PTPRD: variants seen among roughly 807,000 people sequenced by gnomAD.
PTPRD encodes protein tyrosine phosphatase receptor type D.
A neutral mutation model predicts 214.5 loss-of-function variants in PTPRD; 34 were observed. That is an observed-to-expected ratio of 0.16 (90% CI 0.12 to 0.21). The LOEUF (loss-of-function observed/expected upper bound fraction) is 0.21, where lower values mean the gene tolerates loss of function less well. PTPRD is among the 10% of genes least tolerant of loss of function. PTPRD has a pLI of 1.00. For synonymous variants in PTPRD, 1,128 were observed against 845.7 expected, an observed-to-expected ratio of 1.33 and a Z score of -5.79; for missense variants, 2,545 against 2,398.7, an observed-to-expected ratio of 1.06 and a Z score of -1.27.
rs114402752 is a variant in PTPRD, at chr9:8,677,685, A to G, written c.65-40841T>C. ...TAAAATAAAAGTTTTAAAAAATGTG[A>G]TAGCCAGATTATTATCAGAAACCAG... On this transcript the variant is annotated intron_variant, in intron 12 of 45. Coordinates refer to ENST00000381196, the MANE Select transcript of PTPRD (RefSeq NM_002839.4). Among the ~76,000 whole-genome samples the G allele has an allele frequency of 6.8e-3, 1,033 of 152,318 alleles. 13 individuals are homozygous for G. Among genetic ancestry groups the G allele is most frequent in the African/African-American group, 0.024 (984 of 41,554 alleles).
chr9:9,966,520 G>C (rs1428992256), intron 4 of PTPRD, among the ~76,000 whole-genome samples: 1 of 151,656 alleles, frequency 6.6e-6, no homozygotes, highest in Non-Finnish European at 1.5e-5. Flanking sequence ...ATAAAAGGCT[G>C]AGCTATTAAA....
chr9:8,436,542 G>C (rs745571235), intron 35 of PTPRD, 50 bp downstream of exon 35: 1 of 1,402,566 alleles, frequency 7.1e-7, no homozygotes, highest in Non-Finnish European at 1.0e-6. Flanking sequence ...GTCAAAAAAA[G>C]AGAAGAGTAA....
chr9:10,389,509 A>G (rs2098010519), intron 2 of PTPRD, among the ~76,000 whole-genome samples: 1 of 151,896 alleles, frequency 6.6e-6, no homozygotes, highest in Admixed American at 6.6e-5. Flanking sequence ...TTTGTTTCAC[A>G]TAGCCAAGAA....
intron 9 of PTPRD, among the ~76,000 whole-genome samples, chr9:9,213,524 G>GTTTC (rs2099950173): frequency 1.3e-5 from 2 of 151,802 alleles, no homozygotes; most frequent in South Asian, 2.1e-4. Context: ...TTTTTTGTTT[G>GTTTC]TTTGTTTGTT....
intron 5 of PTPRD, among the ~76,000 whole-genome samples, chr9:9,896,501 G>A (rs546909034): frequency 1.3e-5 from 2 of 151,976 alleles, no homozygotes; most frequent in Non-Finnish European, 2.9e-5. Flanking sequence ...AAATAGTCTA[G>A]TGCATTTGGA....
intron 4 of PTPRD, among the ~76,000 whole-genome samples, chr9:9,980,270 A>C (rs907169701): frequency 4.6e-5 from 7 of 152,030 alleles, no homozygotes; most frequent in African/African-American, 1.4e-4. Context: ...AATCATATAT[A>C]TACTTGTAAT....
intron 12 of PTPRD, among the ~76,000 whole-genome samples, chr9:8,681,078 C>A (rs988430915): frequency 6.6e-6 from 1 of 152,132 alleles, no homozygotes; most frequent in Admixed American, 6.5e-5. Flanking sequence ...TTGTTAGTGC[C>A]CTCAAGTGTC....
chr9:9,889,430 T>C (rs963635313), intron 5 of PTPRD, among the ~76,000 whole-genome samples: 3 of 152,084 alleles, frequency 2.0e-5, no homozygotes, highest in African/African-American at 7.2e-5. Context: ...TTTAAATAAA[T>C]ATAGAAGTCC....
intron 37 of PTPRD, among the ~76,000 whole-genome samples, chr9:8,383,512 A>G (rs1480722150): frequency 6.6e-6 from 1 of 152,164 alleles, no homozygotes; most frequent in Non-Finnish European, 1.5e-5. Flanking sequence ...TCAAGTCACG[A>G]TGCACAAAAC....
chr9:10,487,076 T>C (rs2132472294), intron 2 of PTPRD, among the ~76,000 whole-genome samples: 1 of 152,318 alleles, frequency 6.6e-6, no homozygotes, highest in East Asian at 1.9e-4. Context: ...TTTCTCTTTT[T>C]ATAGTTTGTC....
chr9:10,020,381 G>C (rs1263058528), intron 4 of PTPRD, among the ~76,000 whole-genome samples: 2 of 146,818 alleles, frequency 1.4e-5, no homozygotes, highest in African/African-American at 2.5e-5. Flanking sequence ...GGCTCACTGC[G>C]ACCTCCACTT....
At chr9:9,616,647 G>A (rs927823686) in intron 7 of PTPRD, among the ~76,000 whole-genome samples, 4 of 151,956 alleles carry the variant, frequency 2.6e-5, no homozygotes, top group African/African-American at 9.7e-5. Context: ...GCTAAAACAC[G>A]GCTATATGAA....
At position 9,987,942 on chromosome 9, in the gene PTPRD, T is replaced by C. The variant is rs373465867; in HGVS notation, c.-472+45776A>G. Among the ~76,000 whole-genome samples the C allele has an allele frequency of 9.2e-5, 14 of 152,290 alleles. No individual in the cohort carries two copies. The East Asian group carries it at 1.4e-3, about 15-fold the overall frequency. ...AAAATACTATCAGGCAGGTTTAGGG[T>C]AATATTAAGCTGACATATTTGCCGT... is the stretch of plus-strand genomic sequence containing the variant. On this transcript the variant is annotated intron_variant, in intron 4 of 45. Transcript: ENST00000381196.
chr9:10,242,750 C>A (rs144796636), intron 3 of PTPRD, among the ~76,000 whole-genome samples: 32 of 149,386 alleles, frequency 2.1e-4, no homozygotes, highest in East Asian at 1.8e-3. Context: ...TTTTATTTTT[C>A]TTTCTAGTGG....
intron 11 of PTPRD, among the ~76,000 whole-genome samples, chr9:8,854,792 A>C (rs943282143): frequency 2.0e-5 from 3 of 152,182 alleles, no homozygotes; most frequent in Non-Finnish European, 4.4e-5. Context: ...TCACATCATC[A>C]ATCTATGCCT....
At chr9:9,811,761 C>T (rs2047224098) in intron 5 of PTPRD, among the ~76,000 whole-genome samples, 1 of 152,120 alleles carries the variant, frequency 6.6e-6, no homozygotes, top group Non-Finnish European at 1.5e-5. Flanking sequence ...GATGAAGATG[C>T]TGTGGATATT....
At chr9:10,454,256 T>C (rs949766801) in intron 2 of PTPRD, among the ~76,000 whole-genome samples, 5 of 151,604 alleles carry the variant, frequency 3.3e-5, no homozygotes, top group Admixed American at 1.3e-4. Flanking sequence ...TCCTGAACAT[T>C]TGCCATCTGT....
chr9:9,404,631 T>C (rs1233480539), intron 8 of PTPRD, among the ~76,000 whole-genome samples: 1 of 152,064 alleles, frequency 6.6e-6, no homozygotes, highest in African/African-American at 2.4e-5. Context: ...GTGGGACATA[T>C]ATTAGATACA....
intron 8 of PTPRD, among the ~76,000 whole-genome samples, chr9:9,462,114 A>G (rs1044760065): frequency 3.9e-5 from 6 of 152,136 alleles, no homozygotes; most frequent in African/African-American, 1.4e-4. Flanking sequence ...TTGATCTGCA[A>G]ATAGTCGACT....
Sources: gnomAD v4.1 joint callset for allele counts (sites outside exome capture counted in the v4.1 genomes callset) on GRCh38, gnomAD v4.1.1 for gene constraint, MANE v1.5 for transcripts, NCBI Gene and HGNC (gene_info 2026-07-23, HGNC 2026-07-21) for gene names.